Variants in C17orf113 observed in about 807,000 individuals in gnomAD.
C17orf113 encodes the protein uncharacterized protein C17orf113.
C17orf113 carries 5 observed loss-of-function variants against 11.6 expected under a neutral mutation model. That is an observed-to-expected ratio of 0.43 (90% confidence interval 0.23 to 0.91). The LOEUF is 0.91. Among genes scored for constraint, C17orf113 ranks in the 40% least tolerant of loss-of-function variants. The pLI is 0.26. For missense variants in C17orf113, 714 were observed against 841.3 expected (o/e 0.85, Z 1.87); for synonymous variants, 327 against 390.6 (o/e 0.84, Z 1.92).
chr17:42,048,093 C>A (rs2053205740), intron 1 of C17orf113, among the ~76,000 whole-genome samples: 1 of 152,010 alleles, frequency 6.6e-6, no homozygotes, highest in Non-Finnish European at 1.5e-5. Flanking sequence ...TCATCTCCTC[C>A]CCCCCTTCCC....
chr17:42,043,792 C>T (rs1397408343), intron 1 of C17orf113, among the ~76,000 whole-genome samples: 5 of 152,118 alleles, frequency 3.3e-5, no homozygotes, highest in African/African-American at 1.2e-4. Context: ...GGTCTCTTTC[C>T]ACCCAGGACA....
intron 1 of C17orf113, among the ~76,000 whole-genome samples, chr17:42,048,761 G>A (rs952689400): frequency 6.6e-6 from 1 of 151,840 alleles, no homozygotes; most frequent in Non-Finnish European, 1.5e-5. Flanking sequence ...ACTGCCTGGC[G>A]GCCTTGTCCA....
rs2053003779 is a variant in C17orf113, at chr17:42,040,929, C to T, written c.804G>A (p.Trp268Ter). 4.1e-6 allele frequency: 5 copies of T among 1,232,144 alleles called. No homozygotes were observed. In the African/African-American group the frequency reaches 7.8e-5, roughly 19 times the overall value. 76.3% of individuals were successfully genotyped at this position (1,232,144 alleles called of 1,614,324 possible). The change falls in exon 3 of 3, where the codon TGG becomes TGA. Residue 268 changes from tryptophan (W) to a stop codon, truncating the protein, a stop_gained. Transcript: ENST00000587304. LOFTEE classifies it low-confidence loss of function (END_TRUNC). ...AFGVSAPKLA[W>*]LSSSLPSERL... is the part of the protein sequence containing the mutation. ...GCTCACTGGGGAGGCTTGAGCTGAG[C>T]CAGGCCAGCTTGGGTGCAGATACGC...
At chr17:42,046,118 A>G (rs989054372) in intron 1 of C17orf113, among the ~76,000 whole-genome samples, 5 of 152,310 alleles carry the variant, frequency 3.3e-5, no homozygotes, top group African/African-American at 1.2e-4. Flanking sequence ...GCCATCCTCT[A>G]GTTCCCCACA....
At chr17:42,044,918 CTT>C (rs71157603) in intron 1 of C17orf113, among the ~76,000 whole-genome samples, 4 of 132,596 alleles carry the variant, frequency 3.0e-5, no homozygotes, top group Admixed American at 7.9e-5. Context: ...CCAACTCTAC[CTT>C]TTTTTTTTTT....
At position 42,040,853 on chromosome 17, in the gene C17orf113, C is replaced by T; in HGVS notation, c.880G>A (p.Glu294Lys). The change falls in exon 3 of 3, where the codon GAG becomes AAG. Residue 294 changes from glutamate (E) to lysine (K), a missense_variant. Transcript: ENST00000587304. The stretch of plus-strand genomic sequence containing the variant: ...GTCCGGCCAGGGAGACAATGCAGCT[C>T]TGCCAGCAGTGGGCAAGTGGCCCGG... ...QLRATCPLLA[E>K]LHCLPGRTDP... 1 of 1,232,346 alleles carries T rather than the reference C, an allele frequency of 8.1e-7. No individual in the cohort carries two copies. Among genetic ancestry groups the T allele is most frequent in the Non-Finnish European group, 1.0e-6 (1 of 988,082 alleles). The allele number at this position is 1,232,346 out of a possible 1,614,324, so 76.3% of individuals were successfully genotyped here.
At chr17:42,048,266 G>T (rs192031151) in intron 1 of C17orf113, among the ~76,000 whole-genome samples, 1 of 151,806 alleles carries the variant, frequency 6.6e-6, no homozygotes, top group African/African-American at 2.4e-5. Context: ...GGCTGGATGT[G>T]GTGGCTCACA....
At position 42,043,051 on chromosome 17, in the gene C17orf113, G is replaced by C. The variant is rs1378570259; in HGVS notation, c.326C>G (p.Pro109Arg). 8.1e-7 allele frequency: 1 copy of C among 1,232,204 alleles called. No individual in the cohort carries two copies. The highest frequency in any genetic ancestry group is 1.6e-5 in the African/African-American group (1 of 64,436). 76.3% of individuals were successfully genotyped at this position (1,232,204 alleles called of 1,614,324 possible). A position where few individuals can be genotyped will look rare whatever the true frequency, so the allele number is the denominator to read the frequency against. The change falls in exon 2 of 3, where the codon CCA (proline) becomes CGA (arginine). Residue 109 changes from proline to arginine, a missense_variant. Pro to Arg is a moderately radical substitution (Grantham distance 103). Around this residue, in one of 3 missense-constraint regions of C17orf113, gnomAD observed 516 missense variants for 626.6 expected, o/e 0.82. Transcript: ENST00000587304. ...GGAGGCAGGGGTCGTAGCCAGGCCT[G>C]GGCAGGCCCCTCCACCTTCAGCCTG... The part of the protein sequence containing the change: ...EGQAEGGGAC[P>R]GLATTPASRG...
rs2053071483 is a variant in C17orf113, at chr17:42,043,275, C to T, written c.102G>A (p.Leu34=). ...NEHWKEEFTW[L]DFDYERKLMF... The stretch of plus-strand genomic sequence containing the variant: ...TCAGCTTCCGCTCATAGTCAAAGTC[C>T]AGCCAGGTAAACTCCTCTTTCCAGT... The change falls in exon 2 of 3, where the codon CTG becomes CTA. Residue 34 remains leucine (L), a synonymous_variant. Transcript: ENST00000587304. 8.1e-7 allele frequency: 1 copy of T among 1,232,288 alleles called. No homozygotes were observed. Among genetic ancestry groups the T allele is most frequent in the African/African-American group, 1.5e-5 (1 of 64,560 alleles). 76.3% of individuals were successfully genotyped at this position (1,232,288 alleles called of 1,614,324 possible).
At chr17:42,046,456 T>C (rs1321596414) in intron 1 of C17orf113, among the ~76,000 whole-genome samples, 1 of 151,926 alleles carries the variant, frequency 6.6e-6, no homozygotes, top group Non-Finnish European at 1.5e-5. Context: ...AAAAATTAGC[T>C]GGGCATGGTG....
rs2052968039 is a variant in C17orf113 at position 42,039,904 on chromosome 17, C to A, written c.1829G>T (p.Gly610Val). 1.2e-5 allele frequency: 15 copies of A among 1,231,250 alleles called. No individual in the cohort carries two copies. In the East Asian group the frequency reaches 3.8e-4, roughly 31 times the overall value. 76.3% of individuals were successfully genotyped at this position (1,231,250 alleles called of 1,614,324 possible). A position where few individuals can be genotyped will look rare whatever the true frequency, so the allele number is the denominator to read the frequency against. Residue 610 changes from glycine to valine, a missense_variant, in exon 3 of 3, where the codon GGC becomes GTC. Around this residue, in one of 3 missense-constraint regions of C17orf113, gnomAD observed 194 missense variants for 197.2 expected, o/e 0.98. Transcript: ENST00000587304. ...LAALALALPA[G>V]AGLLDKVGRS... ...GCCGACCTTGTCCAGCAGGCCAGCG[C>A]CCGCGGGCAGCGCCAAAGCCAAGGC... is the stretch of plus-strand genomic sequence containing the variant.
chr17:42,045,276 C>T (rs1423210304), intron 1 of C17orf113, among the ~76,000 whole-genome samples: 1 of 152,164 alleles, frequency 6.6e-6, no homozygotes, highest in Non-Finnish European at 1.5e-5. Context: ...TGGTCTCGAT[C>T]TCCTGACCTT....
Position 42,043,421 on chromosome 17 carries a change from C to G in C17orf113, c.-45G>C. The G allele has an allele frequency of 8.1e-7, 1 of 1,229,650 alleles. No individual in the cohort carries two copies. The highest frequency in any genetic ancestry group is 1.0e-6 in the Non-Finnish European group (1 of 986,138). The allele number at this position is 1,229,650 out of a possible 1,614,324, so 76.2% of individuals were successfully genotyped here. On this transcript the variant is annotated 5_prime_UTR_variant, in exon 2 of 3. Transcript: ENST00000587304. ...AACCCCCAACCCCCACCTGAATGCT[C>G]TTGCCCCCCTGCCTCCCCCACACAC...
Position 42,040,403 on chromosome 17 carries a change from C to G in C17orf113, c.1330G>C (p.Gly444Arg), listed in dbSNP as rs898371881. 1.6e-6 allele frequency: 2 copies of G among 1,232,026 alleles called. No homozygotes were observed. 76.3% of individuals were successfully genotyped at this position (1,232,026 alleles called of 1,614,324 possible). Reference sequence around the variant, plus strand: ...CCCTGGAGGCGGGCCCCACCTGAGCCGCGCTGAGCTTGGAGGGAGGCCGCA... The same window carrying G: ...CCCTGGAGGCGGGCCCCACCTGAGCGGCGCTGAGCTTGGAGGGAGGCCGCA... ...AAAASLQAQR[G>R]SGGARLQGFL... Residue 444 changes from glycine to arginine, a missense_variant, in exon 3 of 3, where the codon GGC (glycine) becomes CGC (arginine). This residue lies in a region of C17orf113 where 516 missense variants were observed against 626.6 expected (regional missense o/e 0.82). Transcript: ENST00000587304.
intron 1 of C17orf113, among the ~76,000 whole-genome samples, chr17:42,048,752 CTG>C (rs1555656852): frequency 9.9e-5 from 15 of 152,268 alleles, no homozygotes; most frequent in Non-Finnish European, 1.9e-4. Flanking sequence ...CTCCACACCA[CTG>C]CCTGGCGGCC....
At position 42,040,383 on chromosome 17, in the gene C17orf113, G is replaced by C. The variant is rs550250566; in HGVS notation, c.1350C>G (p.Leu450=). The C allele has an allele frequency of 1.1e-4, 141 of 1,231,838 alleles. No homozygotes were observed. Among genetic ancestry groups the C allele is most frequent in the Non-Finnish European group, 1.4e-4 (134 of 987,938 alleles). The allele number at this position is 1,231,838 out of a possible 1,614,324, so 76.3% of individuals were successfully genotyped here. ...QAQRGSGGAR[L]QGFLQELASM... is the part of the protein sequence containing the mutation. ...ATGCCAGTTCCTGCAGGAAGCCCTG[G>C]AGGCGGGCCCCACCTGAGCCGCGCT... is the stretch of plus-strand genomic sequence containing the variant. The change falls in exon 3 of 3, where the codon CTC becomes CTG. Residue 450 remains leucine, a synonymous_variant. Transcript: ENST00000587304.
At position 42,043,268 on chromosome 17, in the gene C17orf113, C is replaced by T; in HGVS notation, c.109G>A (p.Asp37Asn). The change falls in exon 2 of 3, where the codon GAC becomes AAC. Residue 37 changes from aspartate (D) to asparagine (N), a missense_variant. Asp to Asn is a conservative substitution (Grantham distance 23). Transcript: ENST00000587304. Reference sequence around the variant, plus strand: ...CAGAACATCAGCTTCCGCTCATAGTCAAAGTCCAGCCAGGTAAACTCCTCT... The same window carrying T: ...CAGAACATCAGCTTCCGCTCATAGTTAAAGTCCAGCCAGGTAAACTCCTCT... ...WKEEFTWLDF[D>N]YERKLMFCLE... The T allele has an allele frequency of 3.2e-6, 4 of 1,232,262 alleles. No homozygotes were observed. Among genetic ancestry groups the T allele is most frequent in the Non-Finnish European group, 4.0e-6 (4 of 988,018 alleles). 76.3% of individuals were successfully genotyped at this position (1,232,262 alleles called of 1,614,324 possible). A position where few individuals can be genotyped will look rare whatever the true frequency, so the allele number is the denominator to read the frequency against.
In C17orf113 at chr17:42,040,159, C is replaced by T. The variant is rs1288135185; in HGVS notation, c.1574G>A (p.Arg525His). The T allele has an allele frequency of 1.2e-5, 15 of 1,231,396 alleles. No individual in the cohort carries two copies. The Admixed American group carries it at 4.6e-4, about 38-fold the overall frequency. 76.3% of individuals were successfully genotyped at this position (1,231,396 alleles called of 1,614,324 possible). ...AAFAAIFDPR[R>H]YPQAPEELGT... ...CAGCTCCTCCGGCGCCTGCGGGTAG[C>T]GTCGGGGGTCGAAGATCGCTGCGAA... Residue 525 changes from arginine (R) to histidine (H), a missense_variant, in exon 3 of 3, where the codon CGC (arginine) becomes CAC (histidine). By Grantham distance (29) the Arg-to-His change is conservative. Coordinates refer to ENST00000587304, the MANE Select transcript of C17orf113 (RefSeq NM_001358661.2).
chr17:42,045,895 T>C (rs1471961971), intron 1 of C17orf113, among the ~76,000 whole-genome samples: 4 of 152,122 alleles, frequency 2.6e-5, no homozygotes, highest in African/African-American at 9.7e-5. Flanking sequence ...TCTGAATACT[T>C]CTGTTAATAG....
Sources: allele counts gnomAD v4.1 joint callset (sites outside exome capture counted in the v4.1 genomes callset), GRCh38; gene constraint gnomAD v4.1.1; regional missense constraint gnomAD v4.1.1; transcripts MANE v1.5; gene names NCBI Gene and HGNC (gene_info 2026-07-23, HGNC 2026-07-21).